Variants in TTC39A observed in about 807,000 individuals in gnomAD.
TTC39A encodes the protein tetratricopeptide repeat protein 39A.
A neutral mutation model predicts 82.3 loss-of-function variants in TTC39A; 46 were observed. The observed-to-expected ratio is 0.56, with a 90% CI of 0.44 to 0.71. The LOEUF (loss-of-function observed/expected upper bound fraction) is 0.71, where lower values mean the gene tolerates loss of function less well. Among genes scored for constraint, TTC39A ranks in the 30% least tolerant of loss-of-function variants. The pLI, the probability that TTC39A is intolerant of heterozygous loss-of-function variation, is 0.00. For synonymous variants in TTC39A, 254 were observed against 275.2 expected (o/e 0.92, Z 0.76); for missense variants, 543 against 712.9 (o/e 0.76, Z 2.71).
rs1337473711 is a variant in TTC39A at position 51,294,662 on chromosome 1, G to A, written c.1146-151C>T. Among the ~76,000 whole-genome samples, 3 of 152,184 alleles carry A rather than the reference G, an allele frequency of 2.0e-5. No individual in the cohort carries two copies. The highest frequency in any genetic ancestry group is 2.9e-5 in the Non-Finnish European group (2 of 68,034). ...TGTTAGACTCTAAAGAGCCTTCTAGGTCTGAAATAGCCTGCGGCTATAATT... is the reference window on the plus strand; with the variant it reads ...TGTTAGACTCTAAAGAGCCTTCTAGATCTGAAATAGCCTGCGGCTATAATT... On this transcript the variant is annotated intron_variant, in intron 13 of 17. Coordinates refer to ENST00000680483, the MANE Select transcript of TTC39A (RefSeq NM_001297663.2). The surrounding 1 kb of genome is among the most constrained non-coding windows in gnomAD (Gnocchi z 4.3).
rs1645108152 is a variant in TTC39A at position 51,312,143 on chromosome 1, G to A, written c.331C>T (p.Pro111Ser). 1 of 1,611,768 alleles carries A rather than the reference G, an allele frequency of 6.2e-7. No homozygotes were observed. Among genetic ancestry groups the A allele is most frequent in the East Asian group, 2.2e-5 (1 of 44,840 alleles). ...CCTTCAGTGAATTGGCCCAGCGTGG[G>A]GCGGTTCACCAGGCTGCTGAAGGAA... ...TDSFSSLVNRPTLGQFTEEEI... is the reference protein window; with the variant it reads ...TDSFSSLVNRSTLGQFTEEEI... The change falls in exon 4 of 18, where the codon CCC becomes TCC. Residue 111 changes from proline (P) to serine (S), a missense_variant. Coordinates refer to ENST00000680483, the MANE Select transcript of TTC39A (RefSeq NM_001297663.2).
At position 51,304,475 on chromosome 1, in the gene TTC39A, A is replaced by G. The variant is rs144307512; in HGVS notation, c.654+606T>C. Among the ~76,000 whole-genome samples the G allele has an allele frequency of 5.0e-3, 768 of 152,264 alleles. 9 individuals are homozygous for G. The highest frequency in any genetic ancestry group is 8.0e-3 in the African/African-American group (334 of 41,534). ...TGCTCAGAGTCACAGAGAAAAGGGG[A>G]TGAGGCTGGACTGACCCAGAGCTCC... is the stretch of plus-strand genomic sequence containing the variant. On this transcript the variant is annotated intron_variant, in intron 8 of 17. Coordinates refer to ENST00000680483, the MANE Select transcript of TTC39A (RefSeq NM_001297663.2).
intron 6 of TTC39A, 22 bp from the exon 7 acceptor site, chr1:51,306,098 T>A: frequency 6.2e-7 from 1 of 1,607,608 alleles, no homozygotes; most frequent in Non-Finnish European, 8.5e-7. Flanking sequence ...TGCCAAGTCC[T>A]GTTTCAGCCA....
In TTC39A at chr1:51,287,701, C is replaced by T. The variant is rs1228822159; in HGVS notation, c.*456G>A. On this transcript the variant is annotated 3_prime_UTR_variant, in exon 18 of 18. Transcript: ENST00000680483. ...AGGTCCTCTGAAGGACCTTCCGTCA[C>T]ACAAGCTGAGAACTTGCTGAATTTG... 3 of 166,238 alleles carry T rather than the reference C, an allele frequency of 1.8e-5. No individual in the cohort carries two copies. Among genetic ancestry groups the T allele is most frequent in the Non-Finnish European group, 2.7e-5 (2 of 75,086 alleles). 10.3% of individuals were successfully genotyped at this position (166,238 alleles called of 1,614,324 possible).
At chr1:51,322,216 C>G in intron 1 of TTC39A, 1 of 1,518,754 alleles carries the variant, frequency 6.6e-7, no homozygotes, top group Non-Finnish European at 8.8e-7. Context: ...CCCACAGCCC[C>G]TTTTTCCCTC....
chr1:51,290,148 C>A, intron 15 of TTC39A, 29 bp from the exon 16 acceptor site: 1 of 1,598,282 alleles, frequency 6.3e-7, no homozygotes. Context: ...GGGAAAAAGA[C>A]AGACTTGTTC....
chr1:51,307,302 T>G (rs1452474095), intron 6 of TTC39A, among the ~76,000 whole-genome samples: 2 of 152,206 alleles, frequency 1.3e-5, no homozygotes, highest in African/African-American at 4.8e-5. Context: ...TTGTCTGGTT[T>G]TTCTAGAAAA....
In TTC39A at chr1:51,312,113, C is replaced by G; in HGVS notation, c.355+6G>C. 1 of 1,609,862 alleles carries G rather than the reference C, an allele frequency of 6.2e-7. No homozygotes were observed. Among genetic ancestry groups the G allele is most frequent in the South Asian group, 1.1e-5 (1 of 89,886 alleles). On this transcript the variant is annotated splice_donor_region_variant and intron_variant, in intron 4 of 17. Transcript: ENST00000680483. Reference sequence around the variant, plus strand: ...CATGGTTGAAAGGATGTCCTGGATGCCACACCTTCAGTGAATTGGCCCAGC... The same window carrying G: ...CATGGTTGAAAGGATGTCCTGGATGGCACACCTTCAGTGAATTGGCCCAGC...
At chr1:51,290,455 A>G (rs896409139) in intron 15 of TTC39A, 59 bp downstream of exon 15, 1 of 1,474,700 alleles carries the variant, frequency 6.8e-7, no homozygotes, top group African/African-American at 1.4e-5. Flanking sequence ...GGCAGAGGGA[A>G]GCTTCAGCTG....
chr1:51,318,124 A>G (rs903182561), intron 2 of TTC39A, among the ~76,000 whole-genome samples: 1 of 152,196 alleles, frequency 6.6e-6, no homozygotes, highest in Admixed American at 6.5e-5. Flanking sequence ...AGGCTGAGGC[A>G]TGGCCTTATC....
chr1:51,302,462 G>C (rs1008634306), intron 10 of TTC39A, 44 bp downstream of exon 10: 1 of 1,606,620 alleles, frequency 6.2e-7, no homozygotes, highest in Non-Finnish European at 8.5e-7. Flanking sequence ...TGGGGTCTGT[G>C]GGTGTTTGTG....
At chr1:51,337,725 C>CCCCT (rs1331922579) in intron 1 of TTC39A, among the ~76,000 whole-genome samples, 2 of 152,128 alleles carry the variant, frequency 1.3e-5, no homozygotes, top group African/African-American at 4.8e-5. Context: ...CCGTGCCCAG[C>CCCCT]CCCTTTCTAT....
intron 2 of TTC39A, among the ~76,000 whole-genome samples, chr1:51,316,652 C>T (rs1396046244): frequency 6.6e-6 from 1 of 152,210 alleles, no homozygotes; most frequent in East Asian, 1.9e-4. Flanking sequence ...AACACCTTTT[C>T]CCCTCTCCTT....
At position 51,296,152 on chromosome 1, in the gene TTC39A, TC is replaced by T; in HGVS notation, c.1071del (p.Met357IlefsTer31). On this transcript the variant is annotated frameshift_variant, in exon 13 of 18. Transcript: ENST00000680483. LOFTEE classifies it high-confidence loss of function. ...NCWSKATYIY[M>X]KAAYLSMFGK... ...CCAAACATGCTGAGGTAGGCGGCCT[TC>T]ATGTAAATGTAGGTGGCCTGTGCGA... 6.3e-7 allele frequency: 1 copy of T among 1,596,498 alleles called. No individual in the cohort carries two copies. Among genetic ancestry groups the T allele is most frequent in the Non-Finnish European group, 8.5e-7 (1 of 1,171,724 alleles).
chr1:51,294,252 A>G lies in TTC39A; in HGVS notation c.1266+139T>C. 1 of 1,376,414 alleles carries G rather than the reference A, an allele frequency of 7.3e-7. No homozygotes were observed. Among genetic ancestry groups the G allele is most frequent in the African/African-American group, 1.4e-5 (1 of 69,506 alleles). 85.3% of individuals were successfully genotyped at this position (1,376,414 alleles called of 1,614,324 possible). On this transcript the variant is annotated intron_variant, in intron 14 of 17. Coordinates refer to ENST00000680483, the MANE Select transcript of TTC39A (RefSeq NM_001297663.2). This position sits in a 1 kb window ranked among gnomAD's most constrained non-coding sequence, Gnocchi z 4.3. ...GGGGCAGGGGCTGGGCCAGACTCCC[A>G]GGTGAATTGTGAAACCCTCCCCAGG...
At position 51,305,860 on chromosome 1, in the gene TTC39A, G is replaced by A. The variant is rs1644848264; in HGVS notation, c.588+117C>T. The A allele has an allele frequency of 4.9e-6, 5 of 1,013,528 alleles. No homozygotes were observed. In the Admixed American group the frequency reaches 7.7e-5, roughly 16 times the overall value. The allele number at this position is 1,013,528 out of a possible 1,614,324, so 62.8% of individuals were successfully genotyped here. Reference sequence around the variant, plus strand: ...ACATGTCTGGTCACCTCTGGATCCTGGTGCCCAGCACACAGCCAGGTGCAG... The same window carrying A: ...ACATGTCTGGTCACCTCTGGATCCTAGTGCCCAGCACACAGCCAGGTGCAG... On this transcript the variant is annotated intron_variant, in intron 7 of 17. Transcript: ENST00000680483.
intron 16 of TTC39A, among the ~76,000 whole-genome samples, chr1:51,289,276 C>T (rs893185788): frequency 2.0e-5 from 3 of 152,202 alleles, no homozygotes; most frequent in Non-Finnish European, 2.9e-5. Flanking sequence ...CTGGAGATAT[C>T]CTTTTAAACC....
At chr1:51,296,619 G>GCA (rs1644438068) in intron 12 of TTC39A, among the ~76,000 whole-genome samples, 2 of 152,234 alleles carry the variant, frequency 1.3e-5, no homozygotes, top group African/African-American at 4.8e-5. Flanking sequence ...GGAGGATGAA[G>GCA]CACGGGCTGT....
In TTC39A at chr1:51,301,680, G is replaced by A. The variant is rs41287290; in HGVS notation, c.945C>T (p.Phe315=). ...CCEAQQHWKQ[F]HHMCYWELMW... is the part of the protein sequence containing the mutation. ...TCAGCTCCCAGTAGCACATGTGGTG[G>A]AACTGCTTCCAGTGCTGCTGGGCCT... The change falls in exon 12 of 18, where the codon TTC becomes TTT. Residue 315 remains phenylalanine, a synonymous_variant. Coordinates refer to ENST00000680483, the MANE Select transcript of TTC39A (RefSeq NM_001297663.2). 183,279 of 1,613,228 alleles carry A rather than the reference G, an allele frequency of 0.11. 11,695 individuals are homozygous for A. The highest frequency in any genetic ancestry group is 0.17 in the Middle Eastern group (1,054 of 6,060).
Sources: allele counts gnomAD v4.1 joint callset (sites outside exome capture counted in the v4.1 genomes callset), GRCh38; gene constraint gnomAD v4.1.1; non-coding constraint Gnocchi (gnomAD v3.1); transcripts MANE v1.5; gene names NCBI Gene and HGNC (gene_info 2026-07-23, HGNC 2026-07-21).